Variants in GABRB3 observed in about 807,000 individuals in gnomAD.
GABRB3 encodes gamma-aminobutyric acid type A receptor subunit beta3, also known as gamma-aminobutyric acid receptor subunit beta-3.
Under a neutral mutation model 52.1 loss-of-function variants are expected in GABRB3, and 14 were observed. That is an observed-to-expected ratio of 0.27 (90% confidence interval 0.18 to 0.42). The LOEUF (loss-of-function observed/expected upper bound fraction) is 0.42, where lower values mean the gene tolerates loss of function less well. Among genes scored for constraint, GABRB3 ranks in the 10% least tolerant of loss-of-function variants. GABRB3 has a pLI of 1.00. For missense variants in GABRB3, 307 were observed against 609.1 expected (o/e 0.50, Z 5.22); for synonymous variants, 260 against 232.3 (o/e 1.12, Z -1.08).
At chr15:26,647,672 C>T (rs1048239508) in intron 3 of GABRB3, among the ~76,000 whole-genome samples, 2 of 151,726 alleles carry the variant, frequency 1.3e-5, no homozygotes, top group African/African-American at 2.4e-5. Context: ...GAAAAAAGAC[C>T]GTTTGGAATG....
At chr15:26,704,757 A>G (rs143173953) in intron 3 of GABRB3, among the ~76,000 whole-genome samples, 120 of 152,294 alleles carry the variant, frequency 7.9e-4, no homozygotes, top group Middle Eastern at 6.8e-3. Flanking sequence ...CCTTATAACA[A>G]GGGTGACCTT....
At chr15:26,675,330 G>C (rs1888033389) in intron 3 of GABRB3, among the ~76,000 whole-genome samples, 1 of 152,146 alleles carries the variant, frequency 6.6e-6, no homozygotes, top group South Asian at 2.1e-4. Context: ...ACCACCTTCT[G>C]TTCATTTCAC....
chr15:26,613,776 G>A (rs947943942), intron 4 of GABRB3: 14 of 152,164 alleles, frequency 9.2e-5, no homozygotes, highest in African/African-American at 3.4e-4. Context: ...GTCAGCTCTG[G>A]ATAAGTGCTA....
intron 4 of GABRB3, chr15:26,590,181 T>G (rs908931003): frequency 4.3e-5 from 6 of 138,850 alleles, no homozygotes; most frequent in Non-Finnish European, 6.3e-5. Flanking sequence ...GAGAGCTTTA[T>G]GGCTTCAGCT....
intron 3 of GABRB3, among the ~76,000 whole-genome samples, chr15:26,697,707 C>CA (rs1566809734): frequency 6.6e-6 from 1 of 152,148 alleles, no homozygotes; most frequent in African/African-American, 2.4e-5. Context: ...AAAGGGACTG[C>CA]AATATCTCTT....
At chr15:26,548,672 C>T (rs1889350192) in intron 8 of GABRB3, among the ~76,000 whole-genome samples, 1 of 152,152 alleles carries the variant, frequency 6.6e-6, no homozygotes, top group Non-Finnish European at 1.5e-5. Flanking sequence ...CAGGTAGGCT[C>T]TCCTTGCCCA....
intron 3 of GABRB3, among the ~76,000 whole-genome samples, chr15:26,730,417 CAAAAAAAAAAAAA>C (rs66961147): frequency 1.1e-3 from 76 of 67,962 alleles, no homozygotes; most frequent in Middle Eastern, 8.1e-3. Flanking sequence ...GACTCCGTCT[CAAAAAAAAAAAAA>C]AAAAAAAAAG....
At chr15:26,585,820 A>T (rs1277369675) in intron 4 of GABRB3, among the ~76,000 whole-genome samples, 3 of 152,212 alleles carry the variant, frequency 2.0e-5, no homozygotes, top group Admixed American at 2.0e-4. Flanking sequence ...AGCCAACTGA[A>T]GTTCCAGACT....
intron 5 of GABRB3, among the ~76,000 whole-genome samples, chr15:26,582,400 G>A (rs1371047211): frequency 6.6e-6 from 1 of 152,174 alleles, no homozygotes; most frequent in Non-Finnish European, 1.5e-5. Context: ...TTCAAATACT[G>A]GGAAATCATC....
intron 3 of GABRB3, chr15:26,749,831 G>A (rs549939068): frequency 6.6e-6 from 1 of 152,152 alleles, no homozygotes; most frequent in Non-Finnish European, 1.5e-5. Context: ...AGCAGTATCT[G>A]GGATACATGA....
chr15:26,702,530 G>C (rs1444729520), intron 3 of GABRB3, among the ~76,000 whole-genome samples: 1 of 152,138 alleles, frequency 6.6e-6, no homozygotes, highest in African/African-American at 2.4e-5. Flanking sequence ...CTACTCGAGT[G>C]GCTAATTTTA....
intron 3 of GABRB3, among the ~76,000 whole-genome samples, chr15:26,628,009 C>T (rs1164999065): frequency 6.6e-6 from 1 of 152,196 alleles, no homozygotes; most frequent in Non-Finnish European, 1.5e-5. Context: ...CAGCCAGCAG[C>T]CATCAACACT....
intron 8 of GABRB3, among the ~76,000 whole-genome samples, chr15:26,558,410 C>T (rs533126877): frequency 6.6e-5 from 10 of 152,250 alleles, no homozygotes; most frequent in South Asian, 2.1e-4. Flanking sequence ...CTACTGTGTT[C>T]GCTGGGAGGT....
chr15:26,749,467 G>A (rs748709893), intron 3 of GABRB3, among the ~76,000 whole-genome samples: 1 of 152,030 alleles, frequency 6.6e-6, no homozygotes, highest in Non-Finnish European at 1.5e-5. Context: ...ATGCTCTCTG[G>A]GCAGATGAAA....
At chr15:26,718,328 C>T (rs1453744870) in intron 3 of GABRB3, among the ~76,000 whole-genome samples, 5 of 152,152 alleles carry the variant, frequency 3.3e-5, no homozygotes, top group Non-Finnish European at 5.9e-5. Flanking sequence ...CCTGCCTCAG[C>T]CTTCCCAAGT....
chr15:26,749,967 A>G lies in GABRB3; in HGVS notation c.240+22435T>C, dbSNP rs1890458443. 2.0e-5 allele frequency: 3 copies of G among 152,164 alleles called. No homozygotes were observed. In the South Asian group the frequency reaches 6.2e-4, roughly 32 times the overall value. The allele number at this position is 152,164 out of a possible 1,614,324, so 9.4% of individuals were successfully genotyped here. A position where few individuals can be genotyped will look rare whatever the true frequency, so the allele number is the denominator to read the frequency against. ...TGTGTTTATTTGTTGTGTTATGGCC[A>G]GAGTTTTGTGTTCCAGGAGGAAGGA... is the stretch of plus-strand genomic sequence containing the variant. On this transcript the variant is annotated intron_variant, in intron 3 of 8. Transcript: ENST00000311550.
At chr15:26,660,334 C>T (rs1465869652) in intron 3 of GABRB3, among the ~76,000 whole-genome samples, 1 of 152,086 alleles carries the variant, frequency 6.6e-6, no homozygotes, top group African/African-American at 2.4e-5. Flanking sequence ...CCATAGCAAC[C>T]GAATGTGTGT....
intron 3 of GABRB3, among the ~76,000 whole-genome samples, chr15:26,720,116 T>TC (rs888826919): frequency 2.0e-5 from 3 of 150,782 alleles, no homozygotes; most frequent in African/African-American, 4.9e-5. Flanking sequence ...CTCAAAAAGC[T>TC]CCCCCACTGA....
intron 3 of GABRB3, among the ~76,000 whole-genome samples, chr15:26,765,626 A>G (rs1890976106): frequency 6.6e-6 from 1 of 152,162 alleles, no homozygotes; most frequent in Admixed American, 6.6e-5. Flanking sequence ...ATTCGTATCT[A>G]TTGAATATTG....
Sources: allele counts gnomAD v4.1 joint callset (sites outside exome capture counted in the v4.1 genomes callset), GRCh38; gene constraint gnomAD v4.1.1; transcripts MANE v1.5; gene names NCBI Gene and HGNC (gene_info 2026-07-23, HGNC 2026-07-21).